Variants in KIF6 observed in about 807,000 individuals in gnomAD.
KIF6 encodes the protein kinesin-like protein KIF6.
Under a neutral mutation model 112.7 loss-of-function variants are expected in KIF6, and 106 were observed. The ratio of observed to expected loss-of-function variants is 0.94; its 90% CI spans 0.80 to 1.11. The LOEUF is 1.11. KIF6 is among the 50% of genes least tolerant of loss of function. The pLI, the probability that KIF6 is intolerant of heterozygous loss-of-function variation, is 0.00. For missense variants in KIF6, 929 were observed against 964.0 expected (o/e 0.96, Z 0.48); for synonymous variants, 339 against 339.9 (o/e 1.00, Z 0.03).
At position 39,363,445 on chromosome 6, in the gene KIF6, G is replaced by A. The variant is rs147377548; in HGVS notation, c.1862-927C>T. On this transcript the variant is annotated intron_variant, in intron 16 of 22. Coordinates refer to ENST00000287152, the MANE Select transcript of KIF6 (RefSeq NM_145027.6). ...GGGATCAGCTGCTGCGTGTGTCTGC[G>A]TCCCTGCTGATGCCGACCTCTGTCT... Among the ~76,000 whole-genome samples, 7 of 152,070 alleles carry A rather than the reference G, an allele frequency of 4.6e-5. No homozygotes were observed. In the East Asian group the frequency reaches 9.7e-4, roughly 21 times the overall value.
In KIF6 at chr6:39,474,115, G is replaced by A. The variant is rs570088225; in HGVS notation, c.1646-42954C>T. The stretch of plus-strand genomic sequence containing the variant: ...TGAAAATAGGTAACAACTGGGGAGA[G>A]GATCTCTGACAGGGAAATGTTTAAA... On this transcript the variant is annotated intron_variant, in intron 13 of 22. Transcript: ENST00000287152. 1.6e-4 allele frequency among the ~76,000 whole-genome samples: 24 copies of A among 152,294 alleles called. No homozygotes were observed. The South Asian group carries it at 3.5e-3, about 22-fold the overall frequency.
In KIF6 at chr6:39,524,797, C is replaced by T. The variant is rs577643578; in HGVS notation, c.1645+15206G>A. On this transcript the variant is annotated intron_variant, in intron 13 of 22. Transcript: ENST00000287152. ...AAGTCCTGCTCCTGTCCTCTCACTT[C>T]CACAGGTGTTGGCCCCAGGGGCACG... is the stretch of plus-strand genomic sequence containing the variant. Among the ~76,000 whole-genome samples, 4 of 152,320 alleles carry T rather than the reference C, an allele frequency of 2.6e-5. No homozygotes were observed. The South Asian group carries it at 8.3e-4, about 32-fold the overall frequency.
intron 19 of KIF6, among the ~76,000 whole-genome samples, chr6:39,347,166 A>G (rs1396475511): frequency 6.6e-6 from 1 of 152,264 alleles, no homozygotes; most frequent in Non-Finnish European, 1.5e-5. Context: ...AAGAAATTCT[A>G]AAGTTATCCA....
chr6:39,674,038 A>G (rs1418498757), intron 3 of KIF6, among the ~76,000 whole-genome samples: 1 of 152,216 alleles, frequency 6.6e-6, no homozygotes, highest in Admixed American at 6.5e-5. Flanking sequence ...TTTAGAAAAG[A>G]AAGGGAGAAT....
chr6:39,416,383 G>A (rs910615158), intron 15 of KIF6, among the ~76,000 whole-genome samples: 6 of 152,196 alleles, frequency 3.9e-5, no homozygotes, highest in Non-Finnish European at 7.3e-5. Flanking sequence ...GAACATGTGC[G>A]AAACCCCAGC....
At chr6:39,606,985 A>T (rs1190453936) in intron 6 of KIF6, among the ~76,000 whole-genome samples, 2 of 152,184 alleles carry the variant, frequency 1.3e-5, no homozygotes, top group Non-Finnish European at 2.9e-5. Context: ...AGTATTTGGC[A>T]GGTTTTCTCA....
rs1762802993 is a variant in KIF6, at chr6:39,333,219, A to G, written c.*3313T>C. The G allele has an allele frequency of 6.6e-6, 1 of 152,104 alleles. No homozygotes were observed. Among genetic ancestry groups the G allele is most frequent in the Admixed American group, 6.5e-5 (1 of 15,274 alleles). The allele number at this position is 152,104 out of a possible 1,614,324, so 9.4% of individuals were successfully genotyped here. A position where few individuals can be genotyped will look rare whatever the true frequency, so the allele number is the denominator to read the frequency against. On this transcript the variant is annotated 3_prime_UTR_variant, in exon 23 of 23. Coordinates refer to ENST00000287152, the MANE Select transcript of KIF6 (RefSeq NM_145027.6). ...CACAGGCTGCATGGAGAGACAATGA[A>G]CTCTGCACTGAGAAATCCTAGATCC...
chr6:39,533,316 C>A (rs111870258), intron 13 of KIF6, among the ~76,000 whole-genome samples: 11 of 152,218 alleles, frequency 7.2e-5, no homozygotes, highest in Admixed American at 1.3e-4. Flanking sequence ...CCTAATACTG[C>A]GCTTTTCTGA....
intron 15 of KIF6, among the ~76,000 whole-genome samples, chr6:39,407,122 G>GT (rs199817053): frequency 0.071 from 10,580 of 148,436 alleles, 471 homozygotes; most frequent in African/African-American, 0.12. Flanking sequence ...AAAGACTCCT[G>GT]TTTTTTTTTT....
intron 8 of KIF6, 24 bp from the exon 9 acceptor site, chr6:39,585,008 A>G: frequency 7.7e-7 from 1 of 1,305,936 alleles, no homozygotes; most frequent in Non-Finnish European, 1.1e-6. Flanking sequence ...GTAACTTCTT[A>G]AAATATTATG....
At chr6:39,432,440 A>G (rs760717755) in intron 13 of KIF6, among the ~76,000 whole-genome samples, 14 of 152,208 alleles carry the variant, frequency 9.2e-5, no homozygotes, top group Non-Finnish European at 1.8e-4. Context: ...AAACTCTCTG[A>G]GTCCCATCAC....
chr6:39,575,091 C>G (rs542848518), intron 10 of KIF6, among the ~76,000 whole-genome samples: 70 of 152,150 alleles, frequency 4.6e-4, no homozygotes, highest in Middle Eastern at 3.4e-3. Context: ...AGTTCTAAGG[C>G]CCTATGGGTT....
intron 7 of KIF6, among the ~76,000 whole-genome samples, chr6:39,593,585 T>C (rs143172578): frequency 6.6e-6 from 1 of 152,318 alleles, no homozygotes; most frequent in East Asian, 1.9e-4. Flanking sequence ...TCAGTGTAAA[T>C]GGCTAACAGC....
intron 15 of KIF6, among the ~76,000 whole-genome samples, chr6:39,387,782 G>T (rs1767546448): frequency 1.3e-5 from 2 of 152,196 alleles, no homozygotes; most frequent in South Asian, 4.1e-4. Flanking sequence ...ACTCTAGGCT[G>T]CATCAAACAC....
intron 13 of KIF6, among the ~76,000 whole-genome samples, chr6:39,489,779 A>G (rs1402890684): frequency 6.6e-6 from 1 of 152,248 alleles, no homozygotes; most frequent in African/African-American, 2.4e-5. Flanking sequence ...TACAGGCTCA[A>G]TGACTTTATA....
At chr6:39,686,405 A>C (rs1787872117) in intron 3 of KIF6, among the ~76,000 whole-genome samples, 1 of 152,250 alleles carries the variant, frequency 6.6e-6, no homozygotes, top group Non-Finnish European at 1.5e-5. Context: ...TATGCCAATC[A>C]CATGGCAAAT....
intron 13 of KIF6, among the ~76,000 whole-genome samples, chr6:39,518,704 G>A (rs1407421140): frequency 1.3e-5 from 2 of 152,216 alleles, no homozygotes; most frequent in Non-Finnish European, 2.9e-5. Context: ...AGACCTGAAA[G>A]GGTGAGATAA....
intron 10 of KIF6, among the ~76,000 whole-genome samples, chr6:39,569,761 G>C (rs761149516): frequency 8.5e-5 from 13 of 152,216 alleles, no homozygotes; most frequent in Non-Finnish European, 1.3e-4. Flanking sequence ...TATCACAGCA[G>C]GTGGGCATCA....
chr6:39,431,463 C>G (rs990338614), intron 13 of KIF6: 1 of 269,866 alleles, frequency 3.7e-6, no homozygotes, highest in Admixed American at 5.3e-5. Flanking sequence ...CCTGGACTGC[C>G]GAGGATGTCT....
Sources: allele counts gnomAD v4.1 joint callset (sites outside exome capture counted in the v4.1 genomes callset), GRCh38; gene constraint gnomAD v4.1.1; transcripts MANE v1.5; gene names NCBI Gene and HGNC (gene_info 2026-07-23, HGNC 2026-07-21).